Variants in TC2N observed in about 807,000 individuals in gnomAD.
The protein encoded by TC2N is tandem C2 domains nuclear protein.
In TC2N, 51 loss-of-function variants were observed where a neutral mutation model predicts 61.9. That is an observed-to-expected ratio of 0.82 (90% CI 0.66 to 1.04). The LOEUF is 1.04. TC2N is among the 50% of genes least tolerant of loss of function. TC2N has a pLI of 0.00. For missense variants in TC2N, 556 were observed against 566.7 expected, an observed-to-expected ratio of 0.98 and a Z score of 0.19; for synonymous variants, 204 against 192.6, an observed-to-expected ratio of 1.06 and a Z score of -0.49.
intron 1 of TC2N, among the ~76,000 whole-genome samples, chr14:91,854,426 G>A (rs1347637435): frequency 1.6e-5 from 2 of 127,754 alleles, no homozygotes; most frequent in Non-Finnish European, 3.4e-5. Context: ...AGGGGGAGGG[G>A]GAGGGGAAGG....
rs745382667 is a variant in TC2N at position 91,783,150 on chromosome 14, T to C, written c.1423A>G (p.Ile475Val). The C allele has an allele frequency of 1.2e-6, 2 of 1,612,184 alleles. No homozygotes were observed. The highest frequency in any genetic ancestry group is 1.7e-6 in the Non-Finnish European group (2 of 1,178,756). Residue 475 changes from isoleucine to valine, a missense_variant, in exon 12 of 12, where the codon ATA becomes GTA. By Grantham distance (29) the Ile-to-Val change is conservative. Coordinates refer to ENST00000435962, the MANE Select transcript of TC2N (RefSeq NM_001128596.3). ...EAVNQWKETVINPEKVVIRWH... is the reference protein window; with the variant it reads ...EAVNQWKETVVNPEKVVIRWH... ...CTGATAACAACCTTTTCTGGATTTATTACTGTCTCTTTCCACTGGTTCACT... is the reference window on the plus strand; with the variant it reads ...CTGATAACAACCTTTTCTGGATTTACTACTGTCTCTTTCCACTGGTTCACT...
chr14:91,803,740 A>C (rs1294577981), intron 3 of TC2N, among the ~76,000 whole-genome samples: 1 of 152,162 alleles, frequency 6.6e-6, no homozygotes, highest in African/African-American at 2.4e-5. Context: ...ACAGGCATGA[A>C]CCACCACGAC....
At chr14:91,838,002 T>C (rs1245048414) in intron 1 of TC2N, among the ~76,000 whole-genome samples, 3 of 152,224 alleles carry the variant, frequency 2.0e-5, no homozygotes, top group Non-Finnish European at 4.4e-5. Flanking sequence ...GTAGCTGTTA[T>C]TATCTTCATT....
At chr14:91,832,181 G>A (rs1445453108) in intron 1 of TC2N, among the ~76,000 whole-genome samples, 2 of 152,046 alleles carry the variant, frequency 1.3e-5, no homozygotes, top group Non-Finnish European at 2.9e-5. Context: ...CTGAGGTCAG[G>A]AGTTCGAGAC....
At chr14:91,864,069 C>T (rs10129874) in intron 1 of TC2N, among the ~76,000 whole-genome samples, 30,865 of 151,968 alleles carry the variant, frequency 0.2, 3,399 homozygotes, top group African/African-American at 0.3. Context: ...TTCTCCCTTA[C>T]CTGAGGTCTG....
chr14:91,824,577 C>A (rs955435015), intron 1 of TC2N, among the ~76,000 whole-genome samples: 1 of 152,222 alleles, frequency 6.6e-6, no homozygotes, highest in Non-Finnish European at 1.5e-5. Flanking sequence ...CATTCACTTA[C>A]AAGCATTTAT....
At chr14:91,805,512 C>G (rs1335547126) in intron 3 of TC2N, among the ~76,000 whole-genome samples, 1 of 152,032 alleles carries the variant, frequency 6.6e-6, no homozygotes, top group Non-Finnish European at 1.5e-5. Flanking sequence ...ACTAAAAATA[C>G]AAATTAGCTG....
rs935542167 is a variant in TC2N at position 91,802,258 on chromosome 14, T to C, written c.465A>G (p.Gly155=). 3.2e-6 allele frequency: 5 copies of C among 1,556,714 alleles called. No individual in the cohort carries two copies. The African/African-American group carries it at 5.6e-5, about 17-fold the overall frequency. The change falls in exon 4 of 12, where the codon GGA becomes GGG. Residue 155 remains glycine, a synonymous_variant. Transcript: ENST00000435962. ...AAGCACAAAAGATCTTCATACCCGA[T>C]CCATACAGTCTCTTCACTTCTGAAC... ...PPRSEVKRLY[G]SVCDLRTNKL... is the part of the protein sequence containing the mutation.
chr14:91,814,161 A>T (rs559059293), intron 1 of TC2N, among the ~76,000 whole-genome samples: 2 of 151,352 alleles, frequency 1.3e-5, no homozygotes, highest in South Asian at 4.2e-4. Context: ...TATGAGAGAG[A>T]GAGAGAGAGA....
rs546627336 is a variant in TC2N at position 91,825,451 on chromosome 14, C to T, written c.-56-11626G>A. ...GGTTTGCCTTTCAAATTCTTTTTATCCCCCCACTGTGCTGCTAAGGTCCTT... is the reference window on the plus strand; with the variant it reads ...GGTTTGCCTTTCAAATTCTTTTTATTCCCCCACTGTGCTGCTAAGGTCCTT... On this transcript the variant is annotated intron_variant, in intron 1 of 11. Transcript: ENST00000435962. Among the ~76,000 whole-genome samples the T allele has an allele frequency of 1.6e-4, 24 of 152,196 alleles. 2 individuals are homozygous for T. In the East Asian group the frequency reaches 4.6e-3, roughly 29 times the overall value.
At chr14:91,813,533 T>C (rs1183677954) in intron 2 of TC2N, among the ~76,000 whole-genome samples, 170 bp downstream of exon 2, 2 of 151,762 alleles carry the variant, frequency 1.3e-5, no homozygotes, top group Non-Finnish European at 3.0e-5. Flanking sequence ...AATTACTCTC[T>C]CTCTCCCCTA....
chr14:91,831,744 G>A (rs1039242656), intron 1 of TC2N, among the ~76,000 whole-genome samples: 1 of 152,074 alleles, frequency 6.6e-6, no homozygotes, highest in Non-Finnish European at 1.5e-5. Flanking sequence ...AATATGAAAG[G>A]CAACTTTTTA....
chr14:91,803,851 A>G (rs1886378626), intron 3 of TC2N, among the ~76,000 whole-genome samples: 1 of 152,212 alleles, frequency 6.6e-6, no homozygotes, highest in Non-Finnish European at 1.5e-5. Flanking sequence ...GTGAAAGAAG[A>G]TATGTGCAAC....
chr14:91,787,173 C>T (rs902759919), intron 10 of TC2N, among the ~76,000 whole-genome samples: 4 of 152,104 alleles, frequency 2.6e-5, no homozygotes, highest in African/African-American at 9.7e-5. Flanking sequence ...GTTAGCAGGG[C>T]ATTCCACAAA....
chr14:91,783,129 TAAC>T lies in TC2N; in HGVS notation c.1441_1443del (p.Val481del). Reference sequence around the variant, plus strand: ...GATGGATTTAATTTGTGCCACCTGATAACAACCTTTTCTGGATTTATTACTGTC... The same window carrying T: ...GATGGATTTAATTTGTGCCACCTGATAACCTTTTCTGGATTTATTACTGTC... On this transcript the variant is annotated inframe_deletion, in exon 12 of 12. Coordinates refer to ENST00000435962, the MANE Select transcript of TC2N (RefSeq NM_001128596.3). 6.2e-7 allele frequency: 1 copy of T among 1,611,184 alleles called. No homozygotes were observed. Among genetic ancestry groups the T allele is most frequent in the Non-Finnish European group, 8.5e-7 (1 of 1,177,956 alleles).
rs941297759 is a variant in TC2N, at chr14:91,802,352, T to C, written c.371A>G (p.Tyr124Cys). The C allele has an allele frequency of 1.9e-6, 3 of 1,612,794 alleles. No individual in the cohort carries two copies. Among genetic ancestry groups the C allele is most frequent in the Non-Finnish European group, 2.5e-6 (3 of 1,179,642 alleles). ...LSSSSQHGPS[Y>C]DVYNPFYMYQ... Reference sequence around the variant, plus strand: ...CATATAGAATGGGTTATACACATCATAGCTAGGTCCGTGCTGGGATGAACT... The same window carrying C: ...CATATAGAATGGGTTATACACATCACAGCTAGGTCCGTGCTGGGATGAACT... The change falls in exon 4 of 12, where the codon TAT becomes TGT. Residue 124 changes from tyrosine to cysteine, a missense_variant. Physicochemically the swap from Tyr to Cys is radical, Grantham distance 194. Coordinates refer to ENST00000435962, the MANE Select transcript of TC2N (RefSeq NM_001128596.3).
chr14:91,796,464 A>G (rs1023055215), intron 8 of TC2N, among the ~76,000 whole-genome samples: 1 of 152,074 alleles, frequency 6.6e-6, no homozygotes, highest in African/African-American at 2.4e-5. Context: ...GATATGTTGA[A>G]GTCCTGAGCC....
At position 91,847,274 on chromosome 14, in the gene TC2N, G is replaced by A. The variant is rs1300477963; in HGVS notation, c.-57+19988C>T. Among the ~76,000 whole-genome samples, 5 of 144,136 alleles carry A rather than the reference G, an allele frequency of 3.5e-5. No individual in the cohort carries two copies. In the East Asian group the frequency reaches 9.9e-4, roughly 29 times the overall value. The allele number at this position is 144,136 out of a possible 152,430, so 94.6% of individuals were successfully genotyped here. A position where few individuals can be genotyped will look rare whatever the true frequency, so the allele number is the denominator to read the frequency against. On this transcript the variant is annotated intron_variant, in intron 1 of 11. Transcript: ENST00000435962. ...CTCCATCTCAGAAAAAAAAAAAAAA[G>A]GAAATGTTTTAGTTTCTGCAATGGT...
intron 1 of TC2N, among the ~76,000 whole-genome samples, chr14:91,860,310 AG>A (rs946281422): frequency 4.7e-5 from 7 of 148,516 alleles, no homozygotes; most frequent in African/African-American, 7.5e-5. Context: ...GGGCTGGGGA[AG>A]GGGGGAAATC....
Sources: allele counts gnomAD v4.1 joint callset (sites outside exome capture counted in the v4.1 genomes callset), GRCh38; gene constraint gnomAD v4.1.1; transcripts MANE v1.5; gene names NCBI Gene and HGNC (gene_info 2026-07-23, HGNC 2026-07-21).